The following SPEF2 variants were observed in gnomAD, a reference collection of about 807,000 sequenced individuals.
SPEF2 encodes sperm flagellar and cilia associated 2.
In SPEF2, 187 loss-of-function variants were observed where a neutral mutation model predicts 224.6. The observed-to-expected ratio is 0.83, with a 90% confidence interval of 0.74 to 0.94. The LOEUF is 0.94. Among genes scored for constraint, SPEF2 ranks in the 40% least tolerant of loss-of-function variants. The probability of loss-of-function intolerance (pLI) is 0.00; values close to 1 mark genes in which losing one functional copy is unlikely to be tolerated. For synonymous variants in SPEF2, 715 were observed against 707.3 expected (o/e 1.01, Z -0.17); for missense variants, 2,170 against 2,135.6 (o/e 1.02, Z -0.32).
intron 5 of SPEF2, 113 bp from the exon 6 acceptor site, chr5:35,649,248 T>C (rs997510434): frequency 3.5e-6 from 3 of 857,910 alleles, no homozygotes; most frequent in Non-Finnish European, 3.6e-6. Flanking sequence ...TTTCATATCC[T>C]AATTACCTTG....
chr5:35,786,933 A>G lies in SPEF2; in HGVS notation c.4448-5407A>G, dbSNP rs1302195197. 3.9e-5 allele frequency among the ~76,000 whole-genome samples: 6 copies of G among 152,346 alleles called. No individual in the cohort carries two copies. The South Asian group carries it at 1.2e-3, about 32-fold the overall frequency. ...AAAAAGAGAATATATGTCATGAAAT[A>G]TTTTAATAAACACATATATTCAATT... On this transcript the variant is annotated intron_variant, in intron 30 of 36. Coordinates refer to ENST00000356031, the MANE Select transcript of SPEF2 (RefSeq NM_024867.4).
chr5:35,787,260 C>CTTTTT (rs542133921), intron 30 of SPEF2, among the ~76,000 whole-genome samples: 1 of 141,052 alleles, frequency 7.1e-6, no homozygotes. Flanking sequence ...GCTTCACACC[C>CTTTTT]TTTTTTTTTT....
chr5:35,795,803 CTG>C lies in SPEF2; in HGVS notation c.4830+9_4830+10del. ...CAGGAGCATCTTATAGAGGTAATGA[CTG>C]AGATCTTTAAAACATGTGGCATTAT... On this transcript the variant is annotated intron_variant, in intron 33 of 36. Coordinates refer to ENST00000356031, the MANE Select transcript of SPEF2 (RefSeq NM_024867.4). 1.3e-6 allele frequency: 2 copies of C among 1,595,726 alleles called. No individual in the cohort carries two copies. Among genetic ancestry groups the C allele is most frequent in the Non-Finnish European group, 1.7e-6 (2 of 1,166,862 alleles).
At chr5:35,657,495 G>T (rs1459888298) in intron 7 of SPEF2, among the ~76,000 whole-genome samples, 1 of 151,904 alleles carries the variant, frequency 6.6e-6, no homozygotes, top group Non-Finnish European at 1.5e-5. Flanking sequence ...GAATCGGGGG[G>T]GTGGTTTAAA....
chr5:35,783,707 AG>A (rs1754664749), intron 30 of SPEF2, among the ~76,000 whole-genome samples: 1 of 152,116 alleles, frequency 6.6e-6, no homozygotes, highest in South Asian at 2.1e-4. Context: ...GTGGTTTCCT[AG>A]GGAGTACAAG....
At chr5:35,668,382 C>T (rs951175249) in intron 9 of SPEF2, among the ~76,000 whole-genome samples, 3 of 152,016 alleles carry the variant, frequency 2.0e-5, no homozygotes, top group Admixed American at 6.6e-5. Context: ...ACTTAGGCTG[C>T]GTGGGAAAGA....
rs1349641991 is a variant in SPEF2 at position 35,649,211 on chromosome 5, T to C, written c.727-150T>C. 6 of 597,846 alleles carry C rather than the reference T, an allele frequency of 1.0e-5. No individual in the cohort carries two copies. In the East Asian group the frequency reaches 1.8e-4, roughly 18 times the overall value. The allele number at this position is 597,846 out of a possible 1,614,324, so 37.0% of individuals were successfully genotyped here. On this transcript the variant is annotated intron_variant, in intron 5 of 36. Transcript: ENST00000356031. The stretch of plus-strand genomic sequence containing the variant: ...CAGTCTAAAAGCAACAAATCAAAAT[T>C]ATAAAAAAAATTTTTAGAATGCAGC...
At chr5:35,791,775 G>A (rs1049229720) in intron 30 of SPEF2, among the ~76,000 whole-genome samples, 1 of 152,054 alleles carries the variant, frequency 6.6e-6, no homozygotes, top group Non-Finnish European at 1.5e-5. Flanking sequence ...GAAATACTTA[G>A]GAATACTGAG....
At position 35,807,258 on chromosome 5, in the gene SPEF2, G is replaced by A; in HGVS notation, c.5379+5G>A. The A allele has an allele frequency of 6.2e-7, 1 of 1,609,660 alleles. No homozygotes were observed. The highest frequency in any genetic ancestry group is 8.5e-7 in the Non-Finnish European group (1 of 1,178,970). On this transcript the variant is annotated splice_donor_5th_base_variant and intron_variant, in intron 36 of 36. Transcript: ENST00000356031. ...TATTCAGACTATAAGTTTCCTGTGAGTATTACCCCAAAGTGCTCTAATTTG... is the reference window on the plus strand; with the variant it reads ...TATTCAGACTATAAGTTTCCTGTGAATATTACCCCAAAGTGCTCTAATTTG...
chr5:35,670,202 A>G lies in SPEF2; in HGVS notation c.1499A>G (p.Asp500Gly). 6.2e-7 allele frequency: 1 copy of G among 1,610,378 alleles called. No homozygotes were observed. Among genetic ancestry groups the G allele is most frequent in the Non-Finnish European group, 8.5e-7 (1 of 1,177,990 alleles). ...GAACTGGAGAAAAGGGACTTGCTAG[A>G]TACCAATGATTATGAAGAATATAAG... Reference protein sequence around the residue: ...LTELEKRDLLDTNDYEEYKNM... With the variant: ...LTELEKRDLLGTNDYEEYKNM... Residue 500 changes from aspartate to glycine, a missense_variant, in exon 10 of 37, where the codon GAT becomes GGT. Asp to Gly is a moderately conservative substitution (Grantham distance 94, BLOSUM62 -1). Coordinates refer to ENST00000356031, the MANE Select transcript of SPEF2 (RefSeq NM_024867.4).
At chr5:35,695,833 T>A in intron 14 of SPEF2, 37 bp downstream of exon 14, 1 of 1,479,202 alleles carries the variant, frequency 6.8e-7, no homozygotes, top group Non-Finnish European at 9.3e-7. Flanking sequence ...ACTAACATAT[T>A]AAAACCTGTC....
intron 5 of SPEF2, among the ~76,000 whole-genome samples, chr5:35,647,896 CATT>C (rs35395066): frequency 0.6 from 90,372 of 151,654 alleles, 27,488 homozygotes; most frequent in East Asian, 0.73. Context: ...GAGGCAATCT[CATT>C]ATATTTCACA....
chr5:35,644,358 C>T lies in SPEF2; in HGVS notation c.418C>T (p.Leu140Phe). ...NMKSDTFQER[L>F]RHMIPRQTDF... ...TTGAAATGCTTTTTTCATTTAGAGA[C>T]TTAGACACATGATACCACGTCAAAC... The change falls in exon 4 of 37, where the codon CTT becomes TTT. Residue 140 changes from leucine to phenylalanine, a missense_variant. By Grantham distance (22) the Leu-to-Phe change is conservative. Coordinates refer to ENST00000356031, the MANE Select transcript of SPEF2 (RefSeq NM_024867.4). 1 of 1,561,082 alleles carries T rather than the reference C, an allele frequency of 6.4e-7. No individual in the cohort carries two copies.
chr5:35,695,841 G>T, intron 14 of SPEF2, 45 bp downstream of exon 14: 1 of 1,438,104 alleles, frequency 7.0e-7, no homozygotes, highest in Non-Finnish European at 9.6e-7. Flanking sequence ...ATTAAAACCT[G>T]TCATGATTAA....
intron 11 of SPEF2, among the ~76,000 whole-genome samples, chr5:35,691,774 A>G (rs999501200): frequency 7.9e-5 from 12 of 152,026 alleles, no homozygotes; most frequent in African/African-American, 2.4e-4. Context: ...TTTTATCACA[A>G]TTTTTATCTT....
Position 35,771,619 on chromosome 5 carries a change from A to G in SPEF2, c.3812A>G (p.Glu1271Gly). 1 of 1,599,888 alleles carries G rather than the reference A, an allele frequency of 6.3e-7. No individual in the cohort carries two copies. Among genetic ancestry groups the G allele is most frequent in the South Asian group, 1.1e-5 (1 of 87,730 alleles). The change falls in exon 27 of 37, where the codon GAA becomes GGA. Residue 1271 changes from glutamate (E) to glycine (G), a missense_variant. Coordinates refer to ENST00000356031, the MANE Select transcript of SPEF2 (RefSeq NM_024867.4). ...SLAVSHMVAAEIHQRLMEEEK... is the reference protein window; with the variant it reads ...SLAVSHMVAAGIHQRLMEEEK... ...CTGTTACGCAACCAGGTGGCTGCTG[A>G]AATTCATCAGAGGCTTATGGAAGAA...
intron 23 of SPEF2, among the ~76,000 whole-genome samples, chr5:35,740,509 G>C (rs751300451): frequency 2.2e-4 from 33 of 152,154 alleles, no homozygotes; most frequent in Non-Finnish European, 2.9e-5. Flanking sequence ...AACATTCTGG[G>C]CATCTGTCTT....
chr5:35,763,006 T>C (rs1751539614), intron 25 of SPEF2, among the ~76,000 whole-genome samples: 1 of 152,154 alleles, frequency 6.6e-6, no homozygotes, highest in African/African-American at 2.4e-5. Context: ...CTCACATTAG[T>C]ATTAGTCATG....
chr5:35,773,999 C>A lies in SPEF2; in HGVS notation c.4056C>A (p.His1352Gln). 1 of 1,612,482 alleles carries A rather than the reference C, an allele frequency of 6.2e-7. No homozygotes were observed. The highest frequency in any genetic ancestry group is 8.5e-7 in the Non-Finnish European group (1 of 1,179,312). Residue 1352 changes from histidine to glutamine, a missense_variant, in exon 28 of 37, where the codon CAC becomes CAA. Coordinates refer to ENST00000356031, the MANE Select transcript of SPEF2 (RefSeq NM_024867.4). ...TGAGGGTCAAAATAAAAGAAGAACA[C>A]CTTGCTGCCTTGCAATTTGAAGGTA... ...NELRVKIKEE[H>Q]LAALQFEEIA...
Sources: gnomAD v4.1 joint callset for allele counts (sites outside exome capture counted in the v4.1 genomes callset) on GRCh38, gnomAD v4.1.1 for gene constraint, MANE v1.5 for transcripts, NCBI Gene and HGNC (gene_info 2026-07-23, HGNC 2026-07-21) for gene names.